The following NTRK3 variants were observed in gnomAD, a reference collection of about 807,000 sequenced individuals.
NTRK3 encodes NT-3 growth factor receptor.
Under a neutral mutation model 91.7 loss-of-function variants are expected in NTRK3, and 24 were observed. That is an observed-to-expected ratio of 0.26 (90% CI 0.19 to 0.37). The LOEUF (loss-of-function observed/expected upper bound fraction) is 0.37. Among genes scored for constraint, NTRK3 ranks in the 10% least tolerant of loss-of-function variants. The pLI is 1.00. For synonymous variants in NTRK3, 483 were observed against 404.0 expected (o/e 1.20, Z -2.34); for missense variants, 880 against 1,068.9 (o/e 0.82, Z 2.46).
chr15:88,118,149 A>C (rs1031944762), intron 13 of NTRK3, among the ~76,000 whole-genome samples: 1 of 152,136 alleles, frequency 6.6e-6, no homozygotes, highest in East Asian at 1.9e-4. Context: ...AGTTGTTTTG[A>C]TCTCTCTGTT....
intron 14 of NTRK3, among the ~76,000 whole-genome samples, chr15:87,993,956 C>G (rs781344561): frequency 2.0e-5 from 3 of 152,166 alleles, no homozygotes; most frequent in African/African-American, 4.8e-5. Flanking sequence ...AAATATCAAT[C>G]TTCCAGGAGC....
At chr15:88,222,547 C>T (rs1188731422) in intron 3 of NTRK3, among the ~76,000 whole-genome samples, 1 of 152,232 alleles carries the variant, frequency 6.6e-6, no homozygotes, top group African/African-American at 2.4e-5. Context: ...GAACATTTCA[C>T]ACAGAACGCA....
intron 17 of NTRK3, among the ~76,000 whole-genome samples, chr15:87,883,583 T>C (rs1044483012): frequency 2.0e-5 from 3 of 151,258 alleles, no homozygotes; most frequent in African/African-American, 7.2e-5. Flanking sequence ...AGTGTTGTGA[T>C]TGTGTGCATC....
In NTRK3 at chr15:88,131,214, C is replaced by T. The variant is rs76616669; in HGVS notation, c.1205-2480G>A. ...GCACTATATCAATACTACACAGCCT[C>T]CTGCCTCAGCCCACCATGCCCTGAA... On this transcript the variant is annotated intron_variant, in intron 10 of 18. Coordinates refer to ENST00000394480, the Ensembl canonical transcript of NTRK3. 2.6e-3 allele frequency among the ~76,000 whole-genome samples: 402 copies of T among 152,312 alleles called. 7 individuals carry two copies. In the East Asian group the frequency reaches 0.031, roughly 12 times the overall value.
intron 17 of NTRK3, 185 bp downstream of exon 17, chr15:87,929,006 T>C: frequency 1.3e-6 from 1 of 745,474 alleles, no homozygotes; most frequent in Non-Finnish European, 2.2e-6. Flanking sequence ...AGTGGGCAAT[T>C]GAGAACATAA....
In NTRK3 at chr15:88,255,827, C is replaced by T; in HGVS notation, c.248+79G>A. On this transcript the variant is annotated intron_variant, in intron 3 of 18. Transcript: ENST00000394480. The surrounding 1 kb of genome is among the most constrained non-coding windows in gnomAD (Gnocchi z 4.3). ...GCGGCGAGCTGGGGCGGGCGGAGGGCCGGCTCCCGGCCGCGGGTGGGCAGG... is the reference window on the plus strand; with the variant it reads ...GCGGCGAGCTGGGGCGGGCGGAGGGTCGGCTCCCGGCCGCGGGTGGGCAGG... 4 of 1,315,012 alleles carry T rather than the reference C, an allele frequency of 3.0e-6. No individual in the cohort carries two copies. Among genetic ancestry groups the T allele is most frequent in the Non-Finnish European group, 4.0e-6 (4 of 1,002,316 alleles). The allele number at this position is 1,315,012 out of a possible 1,614,324, so 81.5% of individuals were successfully genotyped here.
intron 3 of NTRK3, among the ~76,000 whole-genome samples, chr15:88,228,923 TG>T (rs2141691504): frequency 6.6e-6 from 1 of 152,182 alleles, no homozygotes; most frequent in African/African-American, 2.4e-5. Flanking sequence ...AGTCTAAGGG[TG>T]GGAGTGTTGT....
At chr15:88,135,014 C>T in intron 10 of NTRK3, 87 bp downstream of exon 10, 1 of 1,480,868 alleles carries the variant, frequency 6.8e-7, no homozygotes, top group Non-Finnish European at 9.4e-7. Context: ...AGTACTGATG[C>T]TGCTTCTCCT....
intron 11 of NTRK3, 66 bp from the exon 12 acceptor site, chr15:88,127,292 C>T (rs2053393458): frequency 3.0e-6 from 4 of 1,332,770 alleles, no homozygotes; most frequent in Non-Finnish European, 4.3e-6. Flanking sequence ...CAGCCACAGT[C>T]CCTGCCCAAC....
intron 3 of NTRK3, among the ~76,000 whole-genome samples, chr15:88,239,443 A>G (rs959505876): frequency 3.9e-5 from 6 of 152,184 alleles, no homozygotes; most frequent in African/African-American, 9.7e-5. Context: ...CAGTCACACA[A>G]TGACTTACTC....
intron 14 of NTRK3, among the ~76,000 whole-genome samples, chr15:88,012,457 C>T (rs1020334101): frequency 6.6e-6 from 1 of 152,154 alleles, no homozygotes; most frequent in Non-Finnish European, 1.5e-5. Context: ...CAAACTTGCC[C>T]ATTTGGAGAG....
intron 3 of NTRK3, among the ~76,000 whole-genome samples, chr15:88,197,692 T>G (rs1245807838): frequency 6.6e-6 from 1 of 152,208 alleles, no homozygotes; most frequent in African/African-American, 2.4e-5. Context: ...GGGACCTGTG[T>G]AAATGGCTTT....
chr15:88,040,608 A>G (rs1187058673), intron 13 of NTRK3, among the ~76,000 whole-genome samples: 1 of 152,166 alleles, frequency 6.6e-6, no homozygotes, highest in African/African-American at 2.4e-5. Context: ...TCTTCCAGCA[A>G]CTCTATGACT....
At chr15:87,928,853 C>G (rs1482307658) in intron 17 of NTRK3, 1 of 490,016 alleles carries the variant, frequency 2.0e-6, no homozygotes, top group Non-Finnish European at 3.7e-6. Context: ...TTGGGTGTGT[C>G]TGTGTGTGTG....
intron 13 of NTRK3, among the ~76,000 whole-genome samples, chr15:88,093,288 G>A (rs528663629): frequency 6.6e-6 from 1 of 152,036 alleles, no homozygotes; most frequent in African/African-American, 2.4e-5. Flanking sequence ...TCTGTCTGCA[G>A]GGAGTGGGAA....
Position 88,007,051 on chromosome 15 carries a change from T to C in NTRK3, c.1585+25806A>G, listed in dbSNP as rs80154236. The stretch of plus-strand genomic sequence containing the variant: ...AAATGGAGGCCATGGCAAGGTTTAG[T>C]ACAAAAATGAAAAAACCTAGCGTGA... On this transcript the variant is annotated intron_variant, in intron 14 of 18. Transcript: ENST00000394480. Among the ~76,000 whole-genome samples the C allele has an allele frequency of 4.9e-3, 741 of 152,122 alleles. 7 individuals carry two copies. The highest frequency in any genetic ancestry group is 0.037 in the Middle Eastern group (11 of 294).
At chr15:87,878,357 G>A (rs879669930) in intron 18 of NTRK3, among the ~76,000 whole-genome samples, 1 of 152,020 alleles carries the variant, frequency 6.6e-6, no homozygotes, top group Non-Finnish European at 1.5e-5. Context: ...CTCATGTCAC[G>A]CTGACTTTGG....
chr15:88,159,671 G>A (rs2044249641), intron 5 of NTRK3, among the ~76,000 whole-genome samples: 1 of 152,182 alleles, frequency 6.6e-6, no homozygotes, highest in Non-Finnish European at 1.5e-5. Context: ...CAGATGAAAA[G>A]AGATGCCCTG....
At chr15:87,993,398 A>G (rs1334917450) in intron 14 of NTRK3, among the ~76,000 whole-genome samples, 1 of 152,136 alleles carries the variant, frequency 6.6e-6, no homozygotes. Context: ...CTGAGTTGGG[A>G]TTTTTTGGCT....
Sources: gnomAD v4.1 joint callset for allele counts (sites outside exome capture counted in the v4.1 genomes callset) on GRCh38, gnomAD v4.1.1 for gene constraint, Gnocchi (gnomAD v3.1) non-coding constraint, MANE v1.5 for transcripts, NCBI Gene and HGNC (gene_info 2026-07-23, HGNC 2026-07-21) for gene names.